LSP1: variants seen among roughly 807,000 people sequenced by gnomAD.
The protein encoded by LSP1 is lymphocyte-specific protein 1.
LSP1 carries 32 observed loss-of-function variants against 49.3 expected under a neutral mutation model. The observed-to-expected ratio is 0.65, with a 90% CI of 0.49 to 0.87. The LOEUF is 0.87. Among genes scored for constraint, LSP1 ranks in the 40% least tolerant of loss-of-function variants. The probability of loss-of-function intolerance (pLI) is 0.00; values close to 1 mark genes in which losing one functional copy is unlikely to be tolerated. For synonymous variants in LSP1, 179 were observed against 178.8 expected, an observed-to-expected ratio of 1.00 and a Z score of -0.01; for missense variants, 428 against 442.6, an observed-to-expected ratio of 0.97 and a Z score of 0.30.
At chr11:1,878,310 G>T (rs1394285461) in intron 1 of LSP1, among the ~76,000 whole-genome samples, 1 of 152,242 alleles carries the variant, frequency 6.6e-6, no homozygotes, top group East Asian at 1.9e-4. Flanking sequence ...TGCCTCCTCA[G>T]GTGGAACAAG....
chr11:1,890,014 T>C (rs2133143657), intron 10 of LSP1: 6 of 671,920 alleles, frequency 8.9e-6, no homozygotes, highest in Non-Finnish European at 1.4e-5. Context: ...GGGGTCCCAT[T>C]GTGTGGGGAT....
chr11:1,882,839 C>T (rs750180476), intron 3 of LSP1, among the ~76,000 whole-genome samples: 1 of 152,198 alleles, frequency 6.6e-6, no homozygotes, highest in Non-Finnish European at 1.5e-5. Flanking sequence ...CCATCTTCTC[C>T]TCCAGGTTCA....
chr11:1,862,421 C>T (rs551399725), intron 1 of LSP1, among the ~76,000 whole-genome samples: 10 of 152,340 alleles, frequency 6.6e-5, no homozygotes, highest in African/African-American at 2.4e-4. Flanking sequence ...TAGCTCTTTT[C>T]CCTGTGGGAA....
At chr11:1,863,908 G>A (rs533773210) in intron 1 of LSP1, among the ~76,000 whole-genome samples, 1 of 152,252 alleles carries the variant, frequency 6.6e-6, no homozygotes, top group Non-Finnish European at 1.5e-5. Flanking sequence ...TGGCTGGGGG[G>A]TTGGGCCCAC....
chr11:1,889,806 C>T (rs912380655), intron 10 of LSP1: 6 of 640,866 alleles, frequency 9.4e-6, no homozygotes, highest in African/African-American at 9.1e-5. Flanking sequence ...ACTAGCCTCT[C>T]TGGGCACTGA....
At chr11:1,864,976 G>A (rs1195302670) in intron 1 of LSP1, among the ~76,000 whole-genome samples, 1 of 151,998 alleles carries the variant, frequency 6.6e-6, no homozygotes, top group African/African-American at 2.4e-5. Context: ...ACAGGGGAGG[G>A]GTGACAGCCA....
Position 1,881,678 on chromosome 11 carries a change from G to A in LSP1, c.356+82G>A, listed in dbSNP as rs1285860520. On this transcript the variant is annotated intron_variant, in intron 3 of 10. Coordinates refer to ENST00000311604, the MANE Select transcript of LSP1 (RefSeq NM_002339.3). ...GAGGGCGGGCGCTGGGCAGAGCAGG[G>A]CTCCCTCTGGACCTCGAGGGCGGGC... 21 of 1,419,174 alleles carry A rather than the reference G, an allele frequency of 1.5e-5. No homozygotes were observed. The Admixed American group carries it at 1.5e-4, about 10-fold the overall frequency. 87.9% of individuals were successfully genotyped at this position (1,419,174 alleles called of 1,614,324 possible).
At chr11:1,880,331 G>A in intron 2 of LSP1, 107 bp downstream of exon 2, 1 of 1,334,288 alleles carries the variant, frequency 7.5e-7, no homozygotes, top group Non-Finnish European at 9.8e-7. Context: ...TCCAGTGCAG[G>A]ATGAGAGCGA....
At chr11:1,855,387 T>C (rs1399744055) in intron 1 of LSP1, among the ~76,000 whole-genome samples, 1 of 152,112 alleles carries the variant, frequency 6.6e-6, no homozygotes, top group African/African-American at 2.4e-5. Flanking sequence ...GAGTGCCAGG[T>C]ACGCCAGCCT....
rs377450933 is a variant in LSP1 at position 1,881,390 on chromosome 11, G to A, written c.192-42G>A. 2.0e-4 allele frequency: 297 copies of A among 1,520,768 alleles called. 2 individuals are homozygous for A. Among genetic ancestry groups the A allele is most frequent in the Non-Finnish European group, 5.7e-5 (64 of 1,131,144 alleles). The allele number at this position is 1,520,768 out of a possible 1,614,324, so 94.2% of individuals were successfully genotyped here. A position where few individuals can be genotyped will look rare whatever the true frequency, so the allele number is the denominator to read the frequency against. Reference sequence around the variant, plus strand: ...TGAGTGTGGGCCCTGGGCAGAGGAGGCAGCAGCCGCCCAGGCCTAAGCTCC... The same window carrying A: ...TGAGTGTGGGCCCTGGGCAGAGGAGACAGCAGCCGCCCAGGCCTAAGCTCC... On this transcript the variant is annotated intron_variant, in intron 2 of 10. Coordinates refer to ENST00000311604, the MANE Select transcript of LSP1 (RefSeq NM_002339.3).
At position 1,876,769 on chromosome 11, in the gene LSP1, G is replaced by C. The variant is rs1400887567; in HGVS notation, c.54-3318G>C. On this transcript the variant is annotated intron_variant, in intron 1 of 10. Coordinates refer to ENST00000311604, the MANE Select transcript of LSP1 (RefSeq NM_002339.3). ...AAGAAGGGCCAGCGTCCCGAGTCGG[G>C]GGGTGCTTGGCAGTGGATGAGGCCG... is the stretch of plus-strand genomic sequence containing the variant. 8 of 486,276 alleles carry C rather than the reference G, an allele frequency of 1.6e-5. No homozygotes were observed. The South Asian group carries it at 2.6e-4, about 16-fold the overall frequency. 30.1% of individuals were successfully genotyped at this position (486,276 alleles called of 1,614,324 possible).
intron 1 of LSP1, among the ~76,000 whole-genome samples, chr11:1,861,904 CGGATGGAT>C (rs58476555): frequency 3.4e-5 from 4 of 118,544 alleles, no homozygotes; most frequent in African/African-American, 6.5e-5. Context: ...GATGGGTGAA[CGGATGGAT>C]GGATGGATGG....
In LSP1 at chr11:1,884,601, T is replaced by G; in HGVS notation, c.717+20T>G. 6.2e-7 allele frequency: 1 copy of G among 1,603,260 alleles called. No individual in the cohort carries two copies. Among genetic ancestry groups the G allele is most frequent in the Non-Finnish European group, 8.5e-7 (1 of 1,170,350 alleles). On this transcript the variant is annotated intron_variant, in intron 7 of 10. Coordinates refer to ENST00000311604, the MANE Select transcript of LSP1 (RefSeq NM_002339.3). The surrounding 1 kb of genome is among the most constrained non-coding windows in gnomAD (Gnocchi z 4.1). Reference sequence around the variant, plus strand: ...ATCGAGGTATGACCTGGCTCCCCTCTGCTGTCAGGTCCCTCCTGCATCCTG... The same window carrying G: ...ATCGAGGTATGACCTGGCTCCCCTCGGCTGTCAGGTCCCTCCTGCATCCTG...
chr11:1,874,414 CCA>C (rs1848222756), intron 1 of LSP1, among the ~76,000 whole-genome samples: 1 of 152,084 alleles, frequency 6.6e-6, no homozygotes, highest in African/African-American at 2.4e-5. Context: ...GACCTCAGGC[CCA>C]GTCTTCACTC....
intron 1 of LSP1, among the ~76,000 whole-genome samples, chr11:1,866,094 C>T (rs1187698661): frequency 2.0e-5 from 3 of 152,146 alleles, no homozygotes; most frequent in Admixed American, 6.5e-5. Flanking sequence ...AGAGATATCC[C>T]TCTGCACCGT....
chr11:1,870,519 C>T lies in LSP1; in HGVS notation c.54-9568C>T. ...GGCACCCCAGAGCTCCACAGGCAGA[C>T]ATGGTGTGGGGGTGTCAGGAAGAGG... On this transcript the variant is annotated intron_variant, in intron 1 of 10. Coordinates refer to ENST00000311604, the MANE Select transcript of LSP1 (RefSeq NM_002339.3). The T allele has an allele frequency of 7.6e-6, 9 of 1,187,722 alleles. No homozygotes were observed. In the South Asian group the frequency reaches 1.3e-4, roughly 17 times the overall value. 73.6% of individuals were successfully genotyped at this position (1,187,722 alleles called of 1,614,324 possible). A position where few individuals can be genotyped will look rare whatever the true frequency, so the allele number is the denominator to read the frequency against.
chr11:1,861,954 G>C (rs1251051367), intron 1 of LSP1, among the ~76,000 whole-genome samples: 1 of 151,824 alleles, frequency 6.6e-6, no homozygotes, highest in Non-Finnish European at 1.5e-5. Context: ...TGGATGGGTG[G>C]ATGGATAGAT....
intron 10 of LSP1, chr11:1,890,149 A>G (rs1331616297): frequency 2.8e-6 from 2 of 717,072 alleles, no homozygotes; most frequent in Non-Finnish European, 5.2e-6. Context: ...ATGGCCCTGA[A>G]TTGAGCAGCT....
intron 1 of LSP1, 81 bp from the exon 2 acceptor site, chr11:1,880,006 G>T (rs776817354): frequency 5.8e-6 from 9 of 1,548,150 alleles, no homozygotes; most frequent in Admixed American, 3.7e-5. Flanking sequence ...CCCCAGCAAG[G>T]CCTGTGTAGA....
Sources: allele counts gnomAD v4.1 joint callset (sites outside exome capture counted in the v4.1 genomes callset), GRCh38; gene constraint gnomAD v4.1.1; non-coding constraint Gnocchi (gnomAD v3.1); transcripts MANE v1.5; gene names NCBI Gene and HGNC (gene_info 2026-07-23, HGNC 2026-07-21).